The following SRRM4 variants were observed in gnomAD, a reference collection of about 807,000 sequenced individuals.
SRRM4 encodes serine/arginine repetitive matrix 4, also known as serine/arginine repetitive matrix protein 4.
SRRM4 carries 33 observed loss-of-function variants against 68.9 expected under a neutral mutation model. The ratio of observed to expected loss-of-function variants is 0.48; its 90% confidence interval spans 0.36 to 0.64. SRRM4 has a LOEUF of 0.64. SRRM4 is among the 30% of genes least tolerant of loss of function. SRRM4 has a pLI of 0.00. For synonymous variants in SRRM4, 318 were observed against 318.8 expected, an observed-to-expected ratio of 1.00 and a Z score of 0.03; for missense variants, 817 against 827.1, an observed-to-expected ratio of 0.99 and a Z score of 0.15.
At chr12:119,042,449 A>T (rs1442770797) in intron 1 of SRRM4, among the ~76,000 whole-genome samples, 2 of 152,088 alleles carry the variant, frequency 1.3e-5, no homozygotes, top group Non-Finnish European at 2.9e-5. Flanking sequence ...TTGGTTTATT[A>T]GTGTAATTCA....
At chr12:118,997,072 T>A (rs1953354299) in intron 1 of SRRM4, among the ~76,000 whole-genome samples, 1 of 152,198 alleles carries the variant, frequency 6.6e-6, no homozygotes, top group African/African-American at 2.4e-5. Flanking sequence ...GCAAGAAGGT[T>A]ATCCATGAAA....
At chr12:119,014,226 T>C (rs940270468) in intron 1 of SRRM4, among the ~76,000 whole-genome samples, 30 of 152,222 alleles carry the variant, frequency 2.0e-4, no homozygotes, top group African/African-American at 7.2e-4. Flanking sequence ...TTGTAAGAGC[T>C]CTTTGCATAT....
At chr12:119,078,118 G>T (rs1366198269) in intron 1 of SRRM4, among the ~76,000 whole-genome samples, 1 of 152,166 alleles carries the variant, frequency 6.6e-6, no homozygotes, top group Non-Finnish European at 1.5e-5. Flanking sequence ...TGGCAGGTGG[G>T]ATGTACGTTA....
chr12:119,068,295 G>A (rs1282498933), intron 1 of SRRM4, among the ~76,000 whole-genome samples: 1 of 152,234 alleles, frequency 6.6e-6, no homozygotes, highest in Non-Finnish European at 1.5e-5. Flanking sequence ...GCTGGAGCCA[G>A]CATGTGGCAG....
intron 1 of SRRM4, among the ~76,000 whole-genome samples, chr12:119,068,548 T>C (rs1174717075): frequency 1.3e-5 from 2 of 152,196 alleles, no homozygotes; most frequent in Admixed American, 6.5e-5. Context: ...TTTCTTCTCC[T>C]TCTGTGCATA....
intron 1 of SRRM4, among the ~76,000 whole-genome samples, chr12:119,048,809 G>A (rs1233426808): frequency 1.3e-5 from 2 of 152,044 alleles, no homozygotes; most frequent in Non-Finnish European, 2.9e-5. Flanking sequence ...CCTATAGTCC[G>A]AGTACTCAGG....
At chr12:118,985,709 A>C (rs1213818813) in intron 1 of SRRM4, among the ~76,000 whole-genome samples, 1 of 152,168 alleles carries the variant, frequency 6.6e-6, no homozygotes, top group African/African-American at 2.4e-5. Context: ...CATTAACTTA[A>C]TTCTCTTTTT....
intron 4 of SRRM4, 131 bp from the exon 5 acceptor site, chr12:119,120,119 C>A: frequency 1.6e-6 from 1 of 635,696 alleles, no homozygotes; most frequent in Non-Finnish European, 2.7e-6. Context: ...CTTCCTTCAC[C>A]ATCCCTCCCT....
At chr12:119,133,925 A>G (rs1222202131) in intron 8 of SRRM4, among the ~76,000 whole-genome samples, 1 of 152,164 alleles carries the variant, frequency 6.6e-6, no homozygotes, top group East Asian at 1.9e-4. Flanking sequence ...GTTAGCAGAC[A>G]GGGGAGGGGA....
chr12:119,156,080 C>G (rs1212597906), intron 12 of SRRM4, among the ~76,000 whole-genome samples: 1 of 152,152 alleles, frequency 6.6e-6, no homozygotes, highest in African/African-American at 2.4e-5. Flanking sequence ...ATAGATATGA[C>G]TCTTTTCAAA....
intron 2 of SRRM4, among the ~76,000 whole-genome samples, chr12:119,111,710 A>C (rs1954144658): frequency 6.6e-6 from 1 of 152,170 alleles, no homozygotes; most frequent in African/African-American, 2.4e-5. Flanking sequence ...CTCAGCAAAT[A>C]TTGATTAGGC....
chr12:119,038,292 A>G (rs2136009958), intron 1 of SRRM4, among the ~76,000 whole-genome samples: 1 of 151,852 alleles, frequency 6.6e-6, no homozygotes, highest in South Asian at 2.1e-4. Context: ...GCTCACTGCA[A>G]GCTCCGCCTT....
At chr12:119,070,217 G>GAA (rs35318757) in intron 1 of SRRM4, among the ~76,000 whole-genome samples, 5 of 145,398 alleles carry the variant, frequency 3.4e-5, no homozygotes, top group Admixed American at 1.4e-4. Context: ...ACACAGGTGA[G>GAA]AAAAAAAAAA....
At chr12:119,060,365 C>T (rs542668485) in intron 1 of SRRM4, among the ~76,000 whole-genome samples, 62 of 150,118 alleles carry the variant, frequency 4.1e-4, no homozygotes, top group Non-Finnish European at 6.2e-4. Context: ...TCCTATCCCA[C>T]ACTGTTGAAC....
intron 1 of SRRM4, among the ~76,000 whole-genome samples, chr12:118,997,720 A>C (rs1158739651): frequency 6.6e-6 from 1 of 152,228 alleles, no homozygotes; most frequent in African/African-American, 2.4e-5. Context: ...AAATATAGAG[A>C]GAGGGAAAAT....
At chr12:119,005,151 C>T (rs1953408433) in intron 1 of SRRM4, among the ~76,000 whole-genome samples, 1 of 152,198 alleles carries the variant, frequency 6.6e-6, no homozygotes, top group Non-Finnish European at 1.5e-5. Context: ...CAGTCAGGAA[C>T]AGACTGCTTC....
chr12:119,017,587 G>A (rs569155422), intron 1 of SRRM4, among the ~76,000 whole-genome samples: 116 of 152,286 alleles, frequency 7.6e-4, no homozygotes, highest in African/African-American at 1.7e-3. Context: ...GGGAGGAGAC[G>A]TGGGTGGTGT....
At chr12:119,012,617 A>G (rs1308913298) in intron 1 of SRRM4, among the ~76,000 whole-genome samples, 1 of 152,124 alleles carries the variant, frequency 6.6e-6, no homozygotes, top group Non-Finnish European at 1.5e-5. Flanking sequence ...TTTGTCTACC[A>G]CTGAGTCCCG....
At chr12:119,133,609 C>G (rs915656820) in intron 8 of SRRM4, among the ~76,000 whole-genome samples, 2 of 152,194 alleles carry the variant, frequency 1.3e-5, no homozygotes, top group Non-Finnish European at 2.9e-5. Context: ...TTCTCTATTA[C>G]AAAAGCAGAG....
Sources: gnomAD v4.1 joint callset for allele counts (sites outside exome capture counted in the v4.1 genomes callset) on GRCh38, gnomAD v4.1.1 for gene constraint, MANE v1.5 for transcripts, NCBI Gene and HGNC (gene_info 2026-07-23, HGNC 2026-07-21) for gene names.